Variants in TNRC6A observed in about 807,000 individuals in gnomAD.
TNRC6A encodes trinucleotide repeat containing adaptor 6A, also known as trinucleotide repeat-containing gene 6A protein.
In TNRC6A, 44 loss-of-function variants were observed where a neutral mutation model predicts 221.2. That is an observed-to-expected ratio of 0.20 (90% CI 0.16 to 0.26). TNRC6A has a LOEUF of 0.26. Ranked by LOEUF, TNRC6A falls within the 10% of genes least tolerant of loss-of-function variation. The pLI, the probability that TNRC6A is intolerant of heterozygous loss-of-function variation, is 1.00. For missense variants in TNRC6A, 2,199 were observed against 2,404.4 expected (o/e 0.91, Z 1.79); for synonymous variants, 847 against 838.5 (o/e 1.01, Z -0.18).
chr16:24,687,850 G>GAAGAAGAAGAA (rs2055663232), intron 2 of TNRC6A, among the ~76,000 whole-genome samples: 1 of 148,970 alleles, frequency 6.7e-6, no homozygotes, highest in Non-Finnish European at 1.5e-5. Flanking sequence ...AGAGGAAGAA[G>GAAGAAGAAGAA]AAGAAGAAGA....
intron 8 of TNRC6A, 28 bp downstream of exon 8, chr16:24,794,747 A>T: frequency 6.3e-7 from 1 of 1,576,522 alleles, no homozygotes; most frequent in Middle Eastern, 1.7e-4. Context: ...AAAGCCCTTG[A>T]AACTTTAAAT....
rs529372101 is a variant in TNRC6A, at chr16:24,712,822, C to A, written n.403-37904C>A. Among the ~76,000 whole-genome samples the A allele has an allele frequency of 2.6e-5, 4 of 152,200 alleles. No homozygotes were observed. In the East Asian group the frequency reaches 7.7e-4, roughly 29 times the overall value. On this transcript the variant is annotated intron_variant and non_coding_transcript_variant, in intron 2 of 2. Coordinates refer to the TNRC6A transcript ENST00000566108. ...AGGCTAGAGTGCAGTGGCACAAACA[C>A]GGCTAACTGCAGCCTCAATCTCCTG...
intron 2 of TNRC6A, among the ~76,000 whole-genome samples, chr16:24,667,460 C>A (rs1187808863): frequency 6.6e-6 from 1 of 152,196 alleles, no homozygotes; most frequent in East Asian, 1.9e-4. Flanking sequence ...CCAAGTAGAT[C>A]ATAAGGCCAG....
intron 2 of TNRC6A, among the ~76,000 whole-genome samples, chr16:24,708,476 G>T (rs56666521): frequency 6.6e-6 from 1 of 151,776 alleles, no homozygotes; most frequent in African/African-American, 2.4e-5. Flanking sequence ...CTCCTGACTT[G>T]GTGATCCGCC....
intron 2 of TNRC6A, among the ~76,000 whole-genome samples, chr16:24,734,879 G>C (rs557743965): frequency 5.3e-5 from 8 of 152,300 alleles, no homozygotes; most frequent in African/African-American, 1.9e-4. Context: ...CCAACTGTAT[G>C]TCATCATATA....
intron 2 of TNRC6A, among the ~76,000 whole-genome samples, chr16:24,695,544 C>T (rs2055840614): frequency 6.6e-6 from 1 of 152,152 alleles, no homozygotes; most frequent in Non-Finnish European, 1.5e-5. Flanking sequence ...GGATTACAGG[C>T]GCGCACCACC....
intron 5 of TNRC6A, chr16:24,778,531 A>G (rs1381921046): frequency 1.0e-6 from 1 of 978,640 alleles, no homozygotes; most frequent in Non-Finnish European, 1.2e-6. Context: ...CATTGTCCTG[A>G]GTTAATATTT....
chr16:24,715,533 A>T (rs1392993749), intron 2 of TNRC6A, among the ~76,000 whole-genome samples: 1 of 151,272 alleles, frequency 6.6e-6, no homozygotes, highest in Non-Finnish European at 1.5e-5. Flanking sequence ...AATTATTCCA[A>T]GCTCTCTGTG....
intron 2 of TNRC6A, among the ~76,000 whole-genome samples, chr16:24,657,317 CAAAAAAAAAAAAA>C (rs56241898): frequency 1.1e-5 from 1 of 88,172 alleles, no homozygotes; most frequent in African/African-American, 5.1e-5. Flanking sequence ...GACCCTATCT[CAAAAAAAAAAAAA>C]AAAAAAAAAA....
chr16:24,708,369 T>C (rs1356708651), intron 2 of TNRC6A, among the ~76,000 whole-genome samples: 1 of 152,092 alleles, frequency 6.6e-6, no homozygotes, highest in Admixed American at 6.6e-5. Flanking sequence ...GCCTCCTGAA[T>C]AGCTGGGTCT....
chr16:24,820,704 T>G (rs975241823), intron 22 of TNRC6A, among the ~76,000 whole-genome samples: 1 of 152,200 alleles, frequency 6.6e-6, no homozygotes, highest in Non-Finnish European at 1.5e-5. Context: ...CCTTGAAGAC[T>G]AGGGGGGTAG....
At position 24,761,719 on chromosome 16, in the gene TNRC6A, C is replaced by T. The variant is rs1237796911; in HGVS notation, c.163+3359C>T. 3.3e-5 allele frequency among the ~76,000 whole-genome samples: 5 copies of T among 151,636 alleles called. No homozygotes were observed. In the East Asian group the frequency reaches 7.7e-4, roughly 23 times the overall value. ...TTTTTTTTCTTTTTCTTTTTTTAAA[C>T]GTGATCATGCTACATTACCCAGGCT... On this transcript the variant is annotated intron_variant, in intron 4 of 24. Coordinates refer to ENST00000395799, the MANE Select transcript of TNRC6A (RefSeq NM_014494.4).
chr16:24,795,598 T>C (rs1051417254), intron 8 of TNRC6A: 11 of 318,980 alleles, frequency 3.4e-5, no homozygotes, highest in African/African-American at 2.4e-4. Context: ...TCCTCACTTT[T>C]AATCCTGGGA....
chr16:24,642,834 G>C (rs925947723), intron 2 of TNRC6A, among the ~76,000 whole-genome samples: 7 of 151,722 alleles, frequency 4.6e-5, no homozygotes, highest in Non-Finnish European at 8.8e-5. Context: ...CTTGAGGCCA[G>C]GTGTTCAAGA....
At chr16:24,764,271 G>T (rs576601860) in intron 4 of TNRC6A, among the ~76,000 whole-genome samples, 67 of 150,482 alleles carry the variant, frequency 4.5e-4, no homozygotes, top group African/African-American at 1.6e-3. Flanking sequence ...AGGCTCTCCT[G>T]TTTAAAAGCT....
intron 2 of TNRC6A, among the ~76,000 whole-genome samples, chr16:24,664,671 T>G (rs1354531503): frequency 1.5e-5 from 2 of 135,460 alleles, no homozygotes; most frequent in Non-Finnish European, 3.1e-5. Context: ...TTATTATTTA[T>G]TATTTATTAT....
At chr16:24,660,450 A>G (rs1175596586) in intron 2 of TNRC6A, among the ~76,000 whole-genome samples, 2 of 152,040 alleles carry the variant, frequency 1.3e-5, no homozygotes, top group Non-Finnish European at 2.9e-5. Context: ...TCATTCATAT[A>G]TATATATATC....
At chr16:24,639,296 A>C (rs547041924) in intron 1 of TNRC6A, among the ~76,000 whole-genome samples, 1 of 152,076 alleles carries the variant, frequency 6.6e-6, no homozygotes, top group Admixed American at 6.6e-5. Context: ...GCCAGCCTGG[A>C]TGACATATCA....
At chr16:24,750,605 A>T in intron 2 of TNRC6A, 121 bp from the exon 3 acceptor site, 1 of 1,213,460 alleles carries the variant, frequency 8.2e-7, no homozygotes. Context: ...TCAATGAATG[A>T]TAAAATAATA....
Sources: gnomAD v4.1 joint callset for allele counts (sites outside exome capture counted in the v4.1 genomes callset) on GRCh38, gnomAD v4.1.1 for gene constraint, MANE v1.5 for transcripts, NCBI Gene and HGNC (gene_info 2026-07-23, HGNC 2026-07-21) for gene names.